The following MYT1L variants were observed in gnomAD, a reference collection of about 807,000 sequenced individuals.
The protein encoded by MYT1L is myelin transcription factor 1 like.
In MYT1L, 12 loss-of-function variants were observed where a neutral mutation model predicts 126.7. The ratio of observed to expected loss-of-function variants is 0.09; its 90% CI spans 0.06 to 0.15. MYT1L has a LOEUF of 0.15. Ranked by LOEUF, MYT1L falls within the 10% of genes least tolerant of loss-of-function variation. MYT1L has a pLI of 1.00. For synonymous variants in MYT1L, 541 were observed against 604.2 expected (o/e 0.90, Z 1.53); for missense variants, 979 against 1,585.2 (o/e 0.62, Z 6.49).
intron 4 of MYT1L, among the ~76,000 whole-genome samples, chr2:2,014,131 A>G (rs574800246): frequency 6.6e-6 from 1 of 152,096 alleles, no homozygotes; most frequent in East Asian, 1.9e-4. Context: ...AAACTTTGAG[A>G]GCAAGTAAAG....
At position 1,791,497 on chromosome 2, in the gene MYT1L, T is replaced by C. The variant is rs2032085465; in HGVS notation, c.*370A>G. 3.1e-6 allele frequency: 1 copy of C among 326,592 alleles called. No individual in the cohort carries two copies. 20.2% of individuals were successfully genotyped at this position (326,592 alleles called of 1,614,324 possible). On this transcript the variant is annotated 3_prime_UTR_variant, in exon 25 of 25. Coordinates refer to ENST00000647738, the MANE Select transcript of MYT1L (RefSeq NM_001303052.2). The surrounding 1 kb of genome is among the most constrained non-coding windows in gnomAD (Gnocchi z 6.0). ...GTGCGTGTGTGTGTTTGTGTGTCCA[T>C]TTCAGTTCAAAATACTAAAACATTT...
chr2:1,895,038 A>G (rs1043609185), intron 14 of MYT1L, among the ~76,000 whole-genome samples: 11 of 152,090 alleles, frequency 7.2e-5, no homozygotes, highest in African/African-American at 2.7e-4. Context: ...AGAAAATGCT[A>G]CCCCAGCATC....
rs2149160385 is a variant in MYT1L at position 1,929,443 on chromosome 2, C to T, written c.506-6180G>A. 6.6e-6 allele frequency among the ~76,000 whole-genome samples: 1 copy of T among 152,320 alleles called. No homozygotes were observed. The highest frequency in any genetic ancestry group is 1.9e-4 in the East Asian group (1 of 5,172). ...AAGGGGAACATGGAGGGTGACGCGGCATTGACAGTGGGATGCACGTGTCTT... is the reference window on the plus strand; with the variant it reads ...AAGGGGAACATGGAGGGTGACGCGGTATTGACAGTGGGATGCACGTGTCTT... On this transcript the variant is annotated intron_variant, in intron 9 of 24. Coordinates refer to ENST00000647738, the MANE Select transcript of MYT1L (RefSeq NM_001303052.2). This position sits in a 1 kb window ranked among gnomAD's most constrained non-coding sequence, Gnocchi z 4.7.
intron 4 of MYT1L, among the ~76,000 whole-genome samples, chr2:2,034,206 C>A (rs888625577): frequency 3.3e-5 from 5 of 152,178 alleles, no homozygotes; most frequent in African/African-American, 1.2e-4. Flanking sequence ...GGCATATCCT[C>A]AAAGTTATGT....
intron 2 of MYT1L, among the ~76,000 whole-genome samples, chr2:2,200,076 C>T (rs894344296): frequency 6.6e-6 from 1 of 152,054 alleles, no homozygotes; most frequent in African/African-American, 2.4e-5. Flanking sequence ...TCTATAAATA[C>T]GTCACATGCT....
chr2:1,925,898 T>C (rs571837325), intron 9 of MYT1L, among the ~76,000 whole-genome samples: 1 of 152,228 alleles, frequency 6.6e-6, no homozygotes, highest in East Asian at 1.9e-4. Context: ...CTTTGTCAGA[T>C]CTCCTACAAG....
chr2:1,893,140 AAC>A (rs2049136256), intron 14 of MYT1L, among the ~76,000 whole-genome samples: 1 of 152,132 alleles, frequency 6.6e-6, no homozygotes, highest in African/African-American at 2.4e-5. Flanking sequence ...CACACTCACT[AAC>A]AGCCAAACCA....
In MYT1L at chr2:1,877,127, G is replaced by A. The variant is rs1314199718; in HGVS notation, c.2711+9412C>T. On this transcript the variant is annotated intron_variant, in intron 18 of 24. Coordinates refer to ENST00000647738, the MANE Select transcript of MYT1L (RefSeq NM_001303052.2). The stretch of plus-strand genomic sequence containing the variant: ...TGCCTATCATCACCCTAGCTCTGGG[G>A]AGACCCCCGTGGTTGCAGCTGCATA... 3.3e-5 allele frequency among the ~76,000 whole-genome samples: 5 copies of A among 152,316 alleles called. No individual in the cohort carries two copies. The East Asian group carries it at 9.7e-4, about 29-fold the overall frequency.
chr2:2,077,691 G>T (rs1411811894), intron 3 of MYT1L, among the ~76,000 whole-genome samples: 1 of 152,158 alleles, frequency 6.6e-6, no homozygotes, highest in African/African-American at 2.4e-5. Flanking sequence ...CATCTTCAAA[G>T]AGTTGAAAGA....
chr2:2,047,571 A>T (rs1349336518), intron 4 of MYT1L, among the ~76,000 whole-genome samples: 3 of 152,234 alleles, frequency 2.0e-5, no homozygotes, highest in Non-Finnish European at 2.9e-5. Context: ...GGCTTAGCAT[A>T]TTGAATAAAC....
Position 2,140,438 on chromosome 2 carries a change from T to C in MYT1L, c.-304+32434A>G, listed in dbSNP as rs535729281. On this transcript the variant is annotated intron_variant, in intron 3 of 24. Coordinates refer to ENST00000647738, the MANE Select transcript of MYT1L (RefSeq NM_001303052.2). ...ATTTTTTTTCTTTCTTTTTCTTTTTTTTTTTTTTTTTTTTGAGACAGAGTA... is the reference window on the plus strand; with the variant it reads ...ATTTTTTTTCTTTCTTTTTCTTTTTCTTTTTTTTTTTTTTGAGACAGAGTA... 7.4e-4 allele frequency among the ~76,000 whole-genome samples: 105 copies of C among 142,434 alleles called. No homozygotes were observed. The South Asian group carries it at 0.01, about 14-fold the overall frequency. The allele number at this position is 142,434 out of a possible 152,430, so 93.4% of individuals were successfully genotyped here. A position where few individuals can be genotyped will look rare whatever the true frequency, so the allele number is the denominator to read the frequency against.
intron 3 of MYT1L, among the ~76,000 whole-genome samples, chr2:2,140,256 AT>A (rs1435979031): frequency 2.0e-5 from 3 of 152,138 alleles, no homozygotes; most frequent in South Asian, 4.1e-4. Context: ...GCCATAGCAA[AT>A]TTAAAATTTT....
chr2:1,802,201 A>G (rs2034979008), intron 22 of MYT1L, among the ~76,000 whole-genome samples: 1 of 152,184 alleles, frequency 6.6e-6, no homozygotes, highest in Non-Finnish European at 1.5e-5. Flanking sequence ...GTCATTCTGC[A>G]AACACCCCAG....
chr2:2,117,589 C>T (rs1345478706), intron 3 of MYT1L, among the ~76,000 whole-genome samples: 4 of 152,132 alleles, frequency 2.6e-5, no homozygotes, highest in African/African-American at 9.7e-5. Context: ...GTTGTGAGAC[C>T]CATGAACAAC....
chr2:1,868,018 G>C (rs1183372769), intron 18 of MYT1L, among the ~76,000 whole-genome samples: 1 of 151,476 alleles, frequency 6.6e-6, no homozygotes, highest in Non-Finnish European at 1.5e-5. Context: ...CCAGGCTGGA[G>C]TGCAGTGGCG....
At chr2:2,249,151 A>G (rs951864832) in intron 2 of MYT1L, among the ~76,000 whole-genome samples, 2 of 152,158 alleles carry the variant, frequency 1.3e-5, no homozygotes, top group African/African-American at 4.8e-5. Context: ...ATTAGAACTA[A>G]TAAATTTAAA....
chr2:2,132,290 G>A (rs1300650279), intron 3 of MYT1L, among the ~76,000 whole-genome samples: 7 of 152,014 alleles, frequency 4.6e-5, no homozygotes, highest in Non-Finnish European at 8.8e-5. Context: ...TACGTTTATT[G>A]CAGCACTATT....
intron 2 of MYT1L, among the ~76,000 whole-genome samples, chr2:2,182,993 C>A (rs888797962): frequency 2.0e-5 from 3 of 152,138 alleles, no homozygotes; most frequent in African/African-American, 7.2e-5. Flanking sequence ...CGGACTCTGC[C>A]ACAGAGGTGG....
chr2:2,213,126 AC>A (rs1399476702), intron 2 of MYT1L, among the ~76,000 whole-genome samples: 1 of 152,252 alleles, frequency 6.6e-6, no homozygotes, highest in Non-Finnish European at 1.5e-5. Context: ...TCTCACCAGA[AC>A]AACCAACCAA....
Sources: gnomAD v4.1 joint callset for allele counts (sites outside exome capture counted in the v4.1 genomes callset) on GRCh38, gnomAD v4.1.1 for gene constraint, Gnocchi (gnomAD v3.1) non-coding constraint, MANE v1.5 for transcripts, NCBI Gene and HGNC (gene_info 2026-07-23, HGNC 2026-07-21) for gene names.